RABEP2: variants seen among roughly 807,000 people sequenced by gnomAD.
The protein encoded by RABEP2 is rab GTPase-binding effector protein 2.
Under a neutral mutation model 74.1 loss-of-function variants are expected in RABEP2, and 57 were observed. The ratio of observed to expected loss-of-function variants is 0.77; its 90% CI spans 0.62 to 0.96. The LOEUF (loss-of-function observed/expected upper bound fraction) is 0.96, where lower values mean the gene tolerates loss of function less well. Ranked by LOEUF, RABEP2 falls within the 40% of genes least tolerant of loss-of-function variation. The pLI is 0.00. For missense variants in RABEP2, 692 were observed against 756.3 expected (o/e 0.91, Z 1.00); for synonymous variants, 351 against 344.0 (o/e 1.02, Z -0.23).
chr16:28,910,694 G>A, intron 7 of RABEP2, 194 bp downstream of exon 7: 1 of 562,836 alleles, frequency 1.8e-6, no homozygotes, highest in South Asian at 2.3e-5. Flanking sequence ...CTGTGTGGCT[G>A]CAGGGGCCCT....
Position 28,904,920 on chromosome 16 carries a change from G to T in RABEP2, c.*23C>A. 6.4e-7 allele frequency: 1 copy of T among 1,558,642 alleles called. No homozygotes were observed. Among genetic ancestry groups the T allele is most frequent in the Non-Finnish European group, 8.8e-7 (1 of 1,132,694 alleles). ...TGGGGAAAGGCGTCTTTCCCAGGGT[G>T]GGGGTGGGGATATCCTGACCCCTCA... On this transcript the variant is annotated 3_prime_UTR_variant, in exon 13 of 13. Transcript: ENST00000358201.
intron 5 of RABEP2, 90 bp downstream of exon 5, chr16:28,914,146 C>G: frequency 9.0e-7 from 1 of 1,116,864 alleles, no homozygotes; most frequent in Non-Finnish European, 1.2e-6. Flanking sequence ...AGCTCCGGCT[C>G]TAGTTCTGGG....
Position 28,909,167 on chromosome 16 carries a change from C to T in RABEP2, c.1090-403G>A, listed in dbSNP as rs1964277365. Among the ~76,000 whole-genome samples, 4 of 152,124 alleles carry T rather than the reference C, an allele frequency of 2.6e-5. No homozygotes were observed. The South Asian group carries it at 8.3e-4, about 32-fold the overall frequency. On this transcript the variant is annotated intron_variant, in intron 7 of 12. Transcript: ENST00000358201. ...TCTCGGCTCACTGCAACCTCCGCCTCCCGGGTTCAAGCGATTCTCCTGCCT... is the reference window on the plus strand; with the variant it reads ...TCTCGGCTCACTGCAACCTCCGCCTTCCGGGTTCAAGCGATTCTCCTGCCT...
Position 28,919,870 on chromosome 16 carries a change from C to T in RABEP2, c.348G>A (p.Glu116=), listed in dbSNP as rs770643435. 1 of 1,611,956 alleles carries T rather than the reference C, an allele frequency of 6.2e-7. No homozygotes were observed. Among genetic ancestry groups the T allele is most frequent in the Non-Finnish European group, 8.5e-7 (1 of 1,178,928 alleles). ...QERQQQQQDC[E]EKERELGRLK... Reference sequence around the variant, plus strand: ...GGCGGCCCAGCTCCCGCTCCTTCTCCTCACAGTCCTGCTGCTGCTGCTGTC... The same window carrying T: ...GGCGGCCCAGCTCCCGCTCCTTCTCTTCACAGTCCTGCTGCTGCTGCTGTC... The change falls in exon 3 of 13, where the codon GAG becomes GAA. Residue 116 remains glutamate (E), a synonymous_variant. Transcript: ENST00000358201.
rs755450697 is a variant in RABEP2 at position 28,908,571 on chromosome 16, C to T, written c.1245+38G>A. The T allele has an allele frequency of 7.7e-6, 12 of 1,558,608 alleles. No homozygotes were observed. In the East Asian group the frequency reaches 1.8e-4, roughly 24 times the overall value. On this transcript the variant is annotated intron_variant, in intron 8 of 12. Transcript: ENST00000358201. ...CCTGCCTGGGAAGAAGGGGCCCTCA[C>T]GGTGGCTCCAGGCTCTCAGTGCCCA...
chr16:28,917,759 A>C (rs1964414580), intron 3 of RABEP2: 1 of 152,234 alleles, frequency 6.6e-6, no homozygotes, highest in South Asian at 2.1e-4. Context: ...GCTTTCATTG[A>C]GCGGGGCCCT....
At chr16:28,918,246 AT>A (rs1036380005) in intron 3 of RABEP2, among the ~76,000 whole-genome samples, 2 of 151,422 alleles carry the variant, frequency 1.3e-5, no homozygotes, top group African/African-American at 4.9e-5. Context: ...CGCCTGGCTA[AT>A]TTTTTTTCCT....
At position 28,914,594 on chromosome 16, in the gene RABEP2, AG is replaced by A. The variant is rs781771546; in HGVS notation, c.544-9del. The A allele has an allele frequency of 3.7e-6, 6 of 1,609,334 alleles. 1 individual carries two copies. The highest frequency in any genetic ancestry group is 1.7e-4 in the Middle Eastern group (1 of 6,034). On this transcript the variant is annotated splice_polypyrimidine_tract_variant and intron_variant, in intron 4 of 12. Transcript: ENST00000358201. Reference sequence around the variant, plus strand: ...GGCATGCCGGGGACGTCTCTAGGGAAGGGGGCAGGGAAGAGGCTGGGGGGCC... The same window carrying A: ...GGCATGCCGGGGACGTCTCTAGGGAAGGGGCAGGGAAGAGGCTGGGGGGCC...
At chr16:28,918,274 G>T (rs1964423241) in intron 3 of RABEP2, among the ~76,000 whole-genome samples, 1 of 151,878 alleles carries the variant, frequency 6.6e-6, no homozygotes, top group Non-Finnish European at 1.5e-5. Flanking sequence ...GTTAATAACA[G>T]CAATAATAAA....
chr16:28,908,981 C>A (rs1964273735), intron 7 of RABEP2, among the ~76,000 whole-genome samples: 1 of 148,626 alleles, frequency 6.7e-6, no homozygotes, highest in African/African-American at 2.5e-5. Context: ...AGGGCCCAAG[C>A]CAGATATTTT....
In RABEP2 at chr16:28,906,931, C is replaced by A. The variant is rs565092808; in HGVS notation, c.1246-735G>T. On this transcript the variant is annotated intron_variant, in intron 8 of 12. Transcript: ENST00000358201. ...TCGAGATGGTGCCACTGCACTCCAG[C>A]TGGGGCGACAGAGCGAGACTCTGTC... Among the ~76,000 whole-genome samples, 58 of 152,166 alleles carry A rather than the reference C, an allele frequency of 3.8e-4. No homozygotes were observed. In the South Asian group the frequency reaches 0.012, roughly 30 times the overall value.
In RABEP2 at chr16:28,924,571, C is replaced by T. The variant is rs1964508857; in HGVS notation, c.106G>A (p.Glu36Lys). The change falls in exon 2 of 13, where the codon GAG (glutamate) becomes AAG (lysine). Residue 36 changes from glutamate to lysine, a missense_variant. Coordinates refer to ENST00000358201, the MANE Select transcript of RABEP2 (RefSeq NM_024816.3). The stretch of plus-strand genomic sequence containing the variant: ...CGAAGCCGGCTGAGCTCACCTGACT[C>T]GGCCTCACCATTTGCCCCTTCCTGG... Reference protein sequence around the residue: ...RSQEGANGEAESGELSRLRAE... With the variant: ...RSQEGANGEAKSGELSRLRAE... 2 of 1,613,342 alleles carry T rather than the reference C, an allele frequency of 1.2e-6. No homozygotes were observed. The highest frequency in any genetic ancestry group is 1.1e-5 in the South Asian group (1 of 91,090).
rs756636832 is a variant in RABEP2 at position 28,914,793 on chromosome 16, C to A, written c.433-11G>T. The A allele has an allele frequency of 7.4e-6, 12 of 1,611,628 alleles. No homozygotes were observed. Among genetic ancestry groups the A allele is most frequent in the Non-Finnish European group, 1.0e-5 (12 of 1,178,256 alleles). On this transcript the variant is annotated splice_polypyrimidine_tract_variant and intron_variant, in intron 3 of 12. Coordinates refer to ENST00000358201, the MANE Select transcript of RABEP2 (RefSeq NM_024816.3). ...CGAGTCCTCGTGGGCCTGGAGGGAG[C>A]GGGGTGTGGCAGCAATAGTTCCCCC...
At chr16:28,924,654 AC>A (rs1964510241) in intron 1 of RABEP2, 39 bp from the exon 2 acceptor site, 1 of 1,555,896 alleles carries the variant, frequency 6.4e-7, no homozygotes, top group Non-Finnish European at 8.8e-7. Flanking sequence ...CCCATCTCTT[AC>A]CCCAGGCCAC....
In RABEP2 at chr16:28,914,325, T is replaced by G; in HGVS notation, c.805A>C (p.Thr269Pro). 1 of 1,613,236 alleles carries G rather than the reference T, an allele frequency of 6.2e-7. No individual in the cohort carries two copies. The highest frequency in any genetic ancestry group is 8.5e-7 in the Non-Finnish European group (1 of 1,180,022). ...ATGCCCTCGGGAACCAGGGTGCCCG[T>G]AGACACCAGCGAGGCCGTCTCTTCC... ...EQEETASLVS[T>P]GTLVPEGIYL... The change falls in exon 5 of 13, where the codon ACG (threonine) becomes CCG (proline). Residue 269 changes from threonine (T) to proline (P), a missense_variant. Coordinates refer to ENST00000358201, the MANE Select transcript of RABEP2 (RefSeq NM_024816.3).
At chr16:28,907,556 T>C (rs1324210232) in intron 8 of RABEP2, among the ~76,000 whole-genome samples, 2 of 152,062 alleles carry the variant, frequency 1.3e-5, no homozygotes, top group African/African-American at 4.8e-5. Context: ...GCCTCAGCCT[T>C]CTAAACTGCT....
intron 3 of RABEP2, among the ~76,000 whole-genome samples, chr16:28,917,072 C>T (rs1055588324): frequency 5.3e-5 from 8 of 152,062 alleles, no homozygotes; most frequent in South Asian, 2.1e-4. Flanking sequence ...TCATCCTAAT[C>T]GATTTGTTCT....
At chr16:28,909,799 T>A (rs1472805848) in intron 7 of RABEP2, among the ~76,000 whole-genome samples, 1 of 149,406 alleles carries the variant, frequency 6.7e-6, no homozygotes, top group Admixed American at 6.7e-5. Flanking sequence ...CCGAGACGGG[T>A]GGATCACGAG....
chr16:28,915,581 G>A (rs1351178575), intron 3 of RABEP2, among the ~76,000 whole-genome samples: 2 of 152,074 alleles, frequency 1.3e-5, no homozygotes, highest in African/African-American at 2.4e-5. Context: ...GTCTCACTCT[G>A]TTGCCCCGAC....
Sources: allele counts gnomAD v4.1 joint callset (sites outside exome capture counted in the v4.1 genomes callset), GRCh38; gene constraint gnomAD v4.1.1; transcripts MANE v1.5; gene names NCBI Gene and HGNC (gene_info 2026-07-23, HGNC 2026-07-21).